The following FNBP4 variants were observed in gnomAD, a reference collection of about 807,000 sequenced individuals.
FNBP4 encodes the protein formin-binding protein 4.
FNBP4 carries 34 observed loss-of-function variants against 119.3 expected under a neutral mutation model. The observed-to-expected ratio is 0.28, with a 90% CI of 0.22 to 0.38. FNBP4 has a LOEUF of 0.38. FNBP4 is among the 10% of genes least tolerant of loss of function. FNBP4 has a pLI of 1.00. For synonymous variants in FNBP4, 462 were observed against 430.6 expected (o/e 1.07, Z -0.90); for missense variants, 1,112 against 1,228.9 (o/e 0.90, Z 1.42).
intron 12 of FNBP4, among the ~76,000 whole-genome samples, chr11:47,727,846 T>G (rs1212871716): frequency 6.6e-6 from 1 of 152,188 alleles, no homozygotes; most frequent in African/African-American, 2.4e-5. Context: ...AAGAGAATAT[T>G]TAAGTCTGAA....
At chr11:47,731,189 C>T (rs1366770881) in intron 12 of FNBP4, 185 bp downstream of exon 12, 12 of 513,952 alleles carry the variant, frequency 2.3e-5, no homozygotes, top group Admixed American at 8.1e-5. Context: ...CAGTTTTACA[C>T]GTGATAACAA....
intron 3 of FNBP4, 22 bp from the exon 4 acceptor site, chr11:47,753,124 A>C: frequency 6.4e-7 from 1 of 1,559,564 alleles, no homozygotes; most frequent in Non-Finnish European, 8.7e-7. Flanking sequence ...AAAGAGTAAC[A>C]AATGCAGTAA....
At chr11:47,748,521 T>G (rs974637680) in intron 6 of FNBP4, among the ~76,000 whole-genome samples, 4 of 152,000 alleles carry the variant, frequency 2.6e-5, no homozygotes, top group Non-Finnish European at 5.9e-5. Flanking sequence ...ACTACAGGTG[T>G]GTGCTACCTT....
At chr11:47,739,842 G>A (rs1052227791) in intron 8 of FNBP4, among the ~76,000 whole-genome samples, 10 of 152,090 alleles carry the variant, frequency 6.6e-5, no homozygotes, top group Non-Finnish European at 1.3e-4. Flanking sequence ...GCAATGGTGC[G>A]ATGTTGGCTC....
chr11:47,723,384 A>C, intron 14 of FNBP4, 68 bp from the exon 15 acceptor site: 1 of 1,521,436 alleles, frequency 6.6e-7, no homozygotes, highest in Non-Finnish European at 8.8e-7. Flanking sequence ...CAATGAAAAG[A>C]GAAGTGGGGA....
chr11:47,743,492 A>G (rs987099011), intron 8 of FNBP4, among the ~76,000 whole-genome samples: 8 of 152,294 alleles, frequency 5.3e-5, no homozygotes, highest in African/African-American at 1.7e-4. Flanking sequence ...TCAAAAAGGA[A>G]AAGAAAAAAA....
At chr11:47,754,015 G>T (rs941153443) in intron 3 of FNBP4, among the ~76,000 whole-genome samples, 11 of 148,330 alleles carry the variant, frequency 7.4e-5, no homozygotes, top group African/African-American at 2.7e-4. Flanking sequence ...GACCAGCCTG[G>T]CCAACATGGT....
At chr11:47,761,166 A>C (rs1229965479) in intron 2 of FNBP4, among the ~76,000 whole-genome samples, 1 of 152,252 alleles carries the variant, frequency 6.6e-6, no homozygotes, top group Non-Finnish European at 1.5e-5. Context: ...TAAAGGAATA[A>C]AAGCAAGTCA....
chr11:47,766,059 C>G (rs1395443488), intron 1 of FNBP4, among the ~76,000 whole-genome samples: 1 of 151,906 alleles, frequency 6.6e-6, no homozygotes, highest in Non-Finnish European at 1.5e-5. Context: ...ATTAATACAT[C>G]TGCATGGCCG....
chr11:47,732,192 T>A lies in FNBP4; in HGVS notation c.1820+345A>T. The A allele has an allele frequency of 9.6e-7, 1 of 1,043,086 alleles. No individual in the cohort carries two copies. Among genetic ancestry groups the A allele is most frequent in the Non-Finnish European group, 1.2e-6 (1 of 867,748 alleles). 64.6% of individuals were successfully genotyped at this position (1,043,086 alleles called of 1,614,324 possible). A position where few individuals can be genotyped will look rare whatever the true frequency, so the allele number is the denominator to read the frequency against. The stretch of plus-strand genomic sequence containing the variant: ...AAGTTTTCCTTAACTTCACCGAGGT[T>A]AATCAGGAGTAGTTGCTTCCAGAGG... On this transcript the variant is annotated intron_variant, in intron 11 of 16. Coordinates refer to ENST00000263773, the MANE Select transcript of FNBP4 (RefSeq NM_015308.5). The surrounding 1 kb of genome is among the most constrained non-coding windows in gnomAD (Gnocchi z 4.2).
intron 12 of FNBP4, chr11:47,727,124 G>C (rs149851658): frequency 3.6e-4 from 55 of 152,232 alleles, no homozygotes; most frequent in African/African-American, 1.2e-3. Context: ...TAATAATGTG[G>C]TTTATGACCT....
intron 12 of FNBP4, chr11:47,726,407 A>G (rs1455378302): frequency 1.5e-5 from 2 of 135,690 alleles, no homozygotes; most frequent in African/African-American, 5.6e-5. Flanking sequence ...CTAATTTTTA[A>G]TTTTTTTTTT....
chr11:47,739,374 T>C (rs2097578626), intron 8 of FNBP4, among the ~76,000 whole-genome samples: 1 of 152,196 alleles, frequency 6.6e-6, no homozygotes, highest in Non-Finnish European at 1.5e-5. Context: ...AATGCCATTA[T>C]ATATTAAAAG....
chr11:47,739,517 A>G (rs908056524), intron 8 of FNBP4, among the ~76,000 whole-genome samples: 1 of 152,220 alleles, frequency 6.6e-6, no homozygotes, highest in African/African-American at 2.4e-5. Flanking sequence ...ACCTGGCAAT[A>G]TACCACTAGG....
chr11:47,722,144 GT>G (rs57726690), intron 15 of FNBP4, among the ~76,000 whole-genome samples: 37,255 of 133,434 alleles, frequency 0.28, 5,709 homozygotes, highest in Middle Eastern at 0.36. Flanking sequence ...AAAGCAGAGG[GT>G]TTTTTTTTTT....
intron 9 of FNBP4, among the ~76,000 whole-genome samples, chr11:47,734,919 G>C (rs1259724483): frequency 6.6e-6 from 1 of 150,880 alleles, no homozygotes; most frequent in East Asian, 2.0e-4. Context: ...GTTGCAGTGA[G>C]CCAAGATTGT....
intron 8 of FNBP4, among the ~76,000 whole-genome samples, chr11:47,743,462 G>C (rs989383169): frequency 6.6e-6 from 1 of 152,036 alleles, no homozygotes; most frequent in African/African-American, 2.4e-5. Flanking sequence ...CAGCCTGGGT[G>C]ACAGAGTGAG....
intron 15 of FNBP4, among the ~76,000 whole-genome samples, chr11:47,722,027 AAAAAAAAAAAAAAAAAAAAAAAAAAAG>A (rs2097556238): frequency 2.2e-5 from 1 of 45,928 alleles, no homozygotes; most frequent in African/African-American, 2.3e-4. Flanking sequence ...AAAAAAAAAA[AAAAAAAAAAAAAAAAAAAAAAAAAAAG>A]GAAAAAAAAA....
At chr11:47,758,267 G>A (rs1346574464) in intron 2 of FNBP4, among the ~76,000 whole-genome samples, 2 of 152,112 alleles carry the variant, frequency 1.3e-5, no homozygotes, top group Non-Finnish European at 2.9e-5. Flanking sequence ...GTAGAGACGG[G>A]GTTTTGCCAT....
Sources: gnomAD v4.1 joint callset for allele counts (sites outside exome capture counted in the v4.1 genomes callset) on GRCh38, gnomAD v4.1.1 for gene constraint, Gnocchi (gnomAD v3.1) non-coding constraint, MANE v1.5 for transcripts, NCBI Gene and HGNC (gene_info 2026-07-23, HGNC 2026-07-21) for gene names.